Variants in CALM2 observed in about 807,000 individuals in gnomAD.
CALM2 encodes the protein calmodulin 2, also known as calmodulin-2.
CALM2 carries 2 observed loss-of-function variants against 19.8 expected under a neutral mutation model. The ratio of observed to expected loss-of-function variants is 0.10; its 90% confidence interval spans 0.04 to 0.32. The LOEUF (loss-of-function observed/expected upper bound fraction) is 0.32, where lower values mean the gene tolerates loss of function less well. CALM2 is among the 10% of genes least tolerant of loss of function. The pLI is 1.00. For missense variants in CALM2, 38 were observed against 178.7 expected (o/e 0.21, Z 4.49); for synonymous variants, 51 against 52.1 (o/e 0.98, Z 0.09).
In CALM2 at chr2:47,162,401, GT is replaced by G; in HGVS notation, c.179-10del. 6.2e-7 allele frequency: 1 copy of G among 1,607,818 alleles called. No homozygotes were observed. On this transcript the variant is annotated splice_polypyrimidine_tract_variant and intron_variant, in intron 3 of 5. Coordinates refer to ENST00000272298, the MANE Select transcript of CALM2 (RefSeq NM_001743.6). ...GTCAATTGTGCCATTACCTGAAATG[GT>G]TTAGTGGAAACATCAAAGCTTTAGT...
Position 47,162,589 on chromosome 2 carries a change from T to C in CALM2, c.108A>G (p.Val36=). The C allele has an allele frequency of 6.2e-7, 1 of 1,613,662 alleles. No individual in the cohort carries two copies. The highest frequency in any genetic ancestry group is 8.5e-7 in the Non-Finnish European group (1 of 1,179,566). Residue 36 remains valine, a synonymous_variant, in exon 3 of 6, where the codon GTA becomes GTG. Coordinates refer to ENST00000272298, the MANE Select transcript of CALM2 (RefSeq NM_001743.6). ...TGGGATTCTGCCCAAGAGATCTCATTACAGTTCCCAATTCCTTTGTTGTTA... is the reference window on the plus strand; with the variant it reads ...TGGGATTCTGCCCAAGAGATCTCATCACAGTTCCCAATTCCTTTGTTGTTA... ...GTITTKELGT[V]MRSLGQNPTE...
intron 1 of CALM2, among the ~76,000 whole-genome samples, chr2:47,175,097 T>TTTTC (rs751897252): frequency 8.7e-5 from 11 of 126,630 alleles, no homozygotes; most frequent in African/African-American, 3.5e-4. Flanking sequence ...TTTTTTTTTT[T>TTTTC]TCAGGAAAGA....
At chr2:47,175,641 G>A (rs990918045) in intron 1 of CALM2, among the ~76,000 whole-genome samples, 3 of 152,018 alleles carry the variant, frequency 2.0e-5, no homozygotes, top group Non-Finnish European at 4.4e-5. Flanking sequence ...GGAGAAGGAA[G>A]ATTAGGGTTG....
chr2:47,161,515 T>G (rs1315700218), intron 5 of CALM2, among the ~76,000 whole-genome samples: 3 of 152,202 alleles, frequency 2.0e-5, no homozygotes, highest in African/African-American at 7.2e-5. Context: ...AACCTGATAG[T>G]AAATATTTCT....
chr2:47,164,739 A>G (rs1458565399), intron 2 of CALM2, among the ~76,000 whole-genome samples: 2 of 152,242 alleles, frequency 1.3e-5, no homozygotes, highest in East Asian at 1.9e-4. Flanking sequence ...ATGAATACAA[A>G]AAGTTTCCAA....
upstream of CALM2, chr2:47,176,742 G>A (rs905714170): frequency 5.1e-6 from 7 of 1,371,626 alleles, no homozygotes; most frequent in East Asian, 5.7e-5. Context: ...TTAAAAGGCC[G>A]GTGGAGCGGC....
intron 1 of CALM2, chr2:47,172,345 T>G (rs974350142): frequency 2.2e-6 from 1 of 461,808 alleles, no homozygotes; most frequent in African/African-American, 2.0e-5. Flanking sequence ...TTAATAGCTG[T>G]GTGACCTTGG....
chr2:47,175,489 T>C (rs941836177), intron 1 of CALM2, among the ~76,000 whole-genome samples: 1 of 152,304 alleles, frequency 6.6e-6, no homozygotes, highest in Non-Finnish European at 1.5e-5. Flanking sequence ...AGCCGAACAC[T>C]TTCCCTAACA....
chr2:47,176,611 A>C, upstream of CALM2: 1 of 1,520,548 alleles, frequency 6.6e-7, no homozygotes, highest in East Asian at 2.5e-5. Flanking sequence ...GTCCCGGCCA[A>C]CCCCCTCCCC....
At chr2:47,163,750 C>G (rs1666346776) in intron 2 of CALM2, 1 of 152,034 alleles carries the variant, frequency 6.6e-6, no homozygotes, top group African/African-American at 2.4e-5. Context: ...CCTTCTAATA[C>G]ATCACTAGAT....
At chr2:47,175,856 C>G (rs1247025025) in intron 1 of CALM2, among the ~76,000 whole-genome samples, 3 of 147,946 alleles carry the variant, frequency 2.0e-5, no homozygotes, top group Admixed American at 6.7e-5. Flanking sequence ...GCCGCGCGGG[C>G]TCGGCCCACA....
intron 2 of CALM2, among the ~76,000 whole-genome samples, chr2:47,169,619 C>T (rs1450747644): frequency 6.6e-6 from 1 of 152,102 alleles, no homozygotes; most frequent in Non-Finnish European, 1.5e-5. Context: ...TCAAATTACA[C>T]AATAAATAAA....
intron 2 of CALM2, among the ~76,000 whole-genome samples, chr2:47,166,489 G>C (rs991531938): frequency 6.6e-6 from 1 of 152,128 alleles, no homozygotes; most frequent in Non-Finnish European, 1.5e-5. Flanking sequence ...TAAAATGTTT[G>C]CTAGAATAAG....
chr2:47,172,347 T>G, intron 1 of CALM2: 2 of 463,800 alleles, frequency 4.3e-6, no homozygotes, highest in South Asian at 1.6e-5. Context: ...AATAGCTGTG[T>G]GACCTTGGAC....
At position 47,161,712 on chromosome 2, in the gene CALM2, G is replaced by GA. The variant is rs751754595; in HGVS notation, c.421+10dup. On this transcript the variant is annotated intron_variant, in intron 5 of 5. Transcript: ENST00000272298. ...AAAGTGAAGAATGAGGCGTGAGACTGAAACATTTACCTTCATAGTTTACTT... is the reference window on the plus strand; with the variant it reads ...AAAGTGAAGAATGAGGCGTGAGACTGAAAACATTTACCTTCATAGTTTACTT... 6.2e-7 allele frequency: 1 copy of GA among 1,605,846 alleles called. No individual in the cohort carries two copies. Among genetic ancestry groups the GA allele is most frequent in the Non-Finnish European group, 8.5e-7 (1 of 1,177,112 alleles).
chr2:47,163,388 C>T (rs1666318976), intron 2 of CALM2: 1 of 151,864 alleles, frequency 6.6e-6, no homozygotes, highest in South Asian at 2.1e-4. Flanking sequence ...TATAGTGAAA[C>T]TGATTATTCC....
At chr2:47,172,689 C>A (rs182260876) in intron 1 of CALM2, 38 of 289,972 alleles carry the variant, frequency 1.3e-4, no homozygotes, top group African/African-American at 7.4e-4. Flanking sequence ...GCGGACATCA[C>A]TTTAAGGCTA....
At chr2:47,171,305 T>A (rs1413304197) in intron 1 of CALM2, 1 of 152,450 alleles carries the variant, frequency 6.6e-6, no homozygotes, top group Non-Finnish European at 1.5e-5. Flanking sequence ...CATTTTCTCT[T>A]GGTTTTTAAA....
At chr2:47,172,334 T>C in intron 1 of CALM2, 1 of 444,162 alleles carries the variant, frequency 2.3e-6, no homozygotes, top group Non-Finnish European at 4.6e-6. Flanking sequence ...AGCCCTGCCA[T>C]TTAATAGCTG....
Sources: gnomAD v4.1 joint callset for allele counts (sites outside exome capture counted in the v4.1 genomes callset) on GRCh38, gnomAD v4.1.1 for gene constraint, MANE v1.5 for transcripts, NCBI Gene and HGNC (gene_info 2026-07-23, HGNC 2026-07-21) for gene names.